UBASH3B: variants seen among roughly 807,000 people sequenced by gnomAD.
UBASH3B encodes ubiquitin associated and SH3 domain containing B, also known as ubiquitin-associated and SH3 domain-containing protein B.
A neutral mutation model predicts 83.4 loss-of-function variants in UBASH3B; 37 were observed. The observed-to-expected ratio is 0.44, with a 90% CI of 0.34 to 0.58. The LOEUF (loss-of-function observed/expected upper bound fraction) is 0.58. Among genes scored for constraint, UBASH3B ranks in the 20% least tolerant of loss-of-function variants. The probability of loss-of-function intolerance (pLI) is 0.01; values close to 1 mark genes in which losing one functional copy is unlikely to be tolerated. For synonymous variants in UBASH3B, 304 were observed against 318.3 expected, an observed-to-expected ratio of 0.96 and a Z score of 0.48; for missense variants, 657 against 827.2, an observed-to-expected ratio of 0.79 and a Z score of 2.52.
In UBASH3B at chr11:122,656,243, C is replaced by G. The variant is rs774692729; in HGVS notation, c.161+33C>G. ...GCCGGGCTCGCAGCCCTCGGCGACCCCTCCCGCGCGCGCGGCCGGCCCTCG... is the reference window on the plus strand; with the variant it reads ...GCCGGGCTCGCAGCCCTCGGCGACCGCTCCCGCGCGCGCGGCCGGCCCTCG... On this transcript the variant is annotated intron_variant, in intron 1 of 13. Transcript: ENST00000284273. 69 of 1,375,342 alleles carry G rather than the reference C, an allele frequency of 5.0e-5. No homozygotes were observed. The African/African-American group carries it at 9.4e-4, about 19-fold the overall frequency. The allele number at this position is 1,375,342 out of a possible 1,614,324, so 85.2% of individuals were successfully genotyped here.
At chr11:122,731,962 C>T (rs1350847671) in intron 1 of UBASH3B, among the ~76,000 whole-genome samples, 2 of 151,834 alleles carry the variant, frequency 1.3e-5, no homozygotes, top group East Asian at 3.9e-4. Context: ...AGGAGATGTG[C>T]ATACCCTGGA....
At chr11:122,661,859 CAAA>C (rs34663505) in intron 1 of UBASH3B, among the ~76,000 whole-genome samples, 6 of 105,506 alleles carry the variant, frequency 5.7e-5, no homozygotes, top group Non-Finnish European at 7.7e-5. Context: ...GTCCTGGTTC[CAAA>C]AAAAAAAAAA....
At chr11:122,747,795 T>G (rs1052400158) in intron 1 of UBASH3B, among the ~76,000 whole-genome samples, 1 of 152,216 alleles carries the variant, frequency 6.6e-6, no homozygotes, top group African/African-American at 2.4e-5. Flanking sequence ...AGCACAGGCA[T>G]GGAGAGGAAC....
At chr11:122,699,539 T>TTCTTTC (rs1555137156) in intron 1 of UBASH3B, among the ~76,000 whole-genome samples, 3 of 122,698 alleles carry the variant, frequency 2.4e-5, no homozygotes, top group African/African-American at 9.3e-5. Context: ...TTCTCTTTCT[T>TTCTTTC]TCTTTCTTTC....
intron 1 of UBASH3B, among the ~76,000 whole-genome samples, chr11:122,718,109 G>C (rs10750222): frequency 0.29 from 44,436 of 151,752 alleles, 7,328 homozygotes; most frequent in East Asian, 0.68. Context: ...TTTAGTAGTA[G>C]AGACGGGGTT....
rs150171285 is a variant in UBASH3B at position 122,723,531 on chromosome 11, C to T, written c.162-52688C>T. ...GGCCAAATTCATCTGTTCTTCCCTG[C>T]GAGCAGCAATAAGCAGATTTGGAGA... On this transcript the variant is annotated intron_variant, in intron 1 of 13. Coordinates refer to ENST00000284273, the MANE Select transcript of UBASH3B (RefSeq NM_032873.5). 4.6e-5 allele frequency among the ~76,000 whole-genome samples: 7 copies of T among 152,284 alleles called. No homozygotes were observed. In the South Asian group the frequency reaches 6.2e-4, roughly 14 times the overall value.
Position 122,776,927 on chromosome 11 carries a change from G to C in UBASH3B, c.216-97G>C, listed in dbSNP as rs1329526841. 3.3e-6 allele frequency: 4 copies of C among 1,204,024 alleles called. No individual in the cohort carries two copies. In the African/African-American group the frequency reaches 4.7e-5, roughly 14 times the overall value. The allele number at this position is 1,204,024 out of a possible 1,614,324, so 74.6% of individuals were successfully genotyped here. ...AAACCCTTCCCCGCGCTGTGCCGGG[G>C]ATTTGGAGCACATGGAGGGTGGATC... On this transcript the variant is annotated intron_variant, in intron 2 of 13. Coordinates refer to ENST00000284273, the MANE Select transcript of UBASH3B (RefSeq NM_032873.5).
chr11:122,770,900 G>A (rs1860630555), intron 1 of UBASH3B, among the ~76,000 whole-genome samples: 1 of 152,162 alleles, frequency 6.6e-6, no homozygotes, highest in South Asian at 2.1e-4. Flanking sequence ...AGGCCTTCTA[G>A]CCTCCCAGCA....
chr11:122,681,769 G>A (rs1445473160), intron 1 of UBASH3B, among the ~76,000 whole-genome samples: 8 of 152,050 alleles, frequency 5.3e-5, no homozygotes, highest in Admixed American at 5.2e-4. Context: ...GATCCCTTCA[G>A]GGTTTGAAAA....
At position 122,779,541 on chromosome 11, in the gene UBASH3B, C is replaced by T. The variant is rs1211610353; in HGVS notation, c.447C>T (p.Thr149=). ...KVDALGEALQ[T]TVSRWKCKFS... is the part of the protein sequence containing the mutation. The stretch of plus-strand genomic sequence containing the variant: ...ATGCCCTGGGGGAAGCCCTGCAGAC[C>T]ACGGTCAGTCGCTGGAAATGTAAGT... Residue 149 remains threonine, a synonymous_variant, in exon 4 of 14, where the codon ACC becomes ACT. Transcript: ENST00000284273. 3 of 1,613,986 alleles carry T rather than the reference C, an allele frequency of 1.9e-6. No homozygotes were observed. The highest frequency in any genetic ancestry group is 2.5e-6 in the Non-Finnish European group (3 of 1,180,018).
chr11:122,750,339 G>A (rs1452666209), intron 1 of UBASH3B, among the ~76,000 whole-genome samples: 2 of 152,120 alleles, frequency 1.3e-5, no homozygotes, highest in Admixed American at 6.5e-5. Flanking sequence ...AGAACACATC[G>A]GCTGGGTGGA....
At chr11:122,747,253 G>A (rs1444411966) in intron 1 of UBASH3B, among the ~76,000 whole-genome samples, 1 of 152,152 alleles carries the variant, frequency 6.6e-6, no homozygotes, top group Non-Finnish European at 1.5e-5. Context: ...GAAAGGGAGA[G>A]TGAAACCAGC....
At position 122,789,933 on chromosome 11, in the gene UBASH3B, C is replaced by G. The variant is rs558926385; in HGVS notation, c.980+625C>G. ...ACCCGTCCCTCATTACTATTTTGCC[C>G]CCATTCCATACTGGTACCACATTCA... On this transcript the variant is annotated intron_variant, in intron 6 of 13. Transcript: ENST00000284273. 2.6e-5 allele frequency among the ~76,000 whole-genome samples: 4 copies of G among 152,282 alleles called. No individual in the cohort carries two copies. In the South Asian group the frequency reaches 8.3e-4, roughly 32 times the overall value.
chr11:122,731,127 T>A (rs938212837), intron 1 of UBASH3B, among the ~76,000 whole-genome samples: 4 of 152,212 alleles, frequency 2.6e-5, no homozygotes, highest in Admixed American at 2.0e-4. Flanking sequence ...ATTGTGCCAA[T>A]CGGATTCTGT....
intron 1 of UBASH3B, among the ~76,000 whole-genome samples, chr11:122,660,161 G>A (rs2135888754): frequency 6.6e-6 from 1 of 152,280 alleles, no homozygotes. Context: ...ATTACTCCCT[G>A]GAGCTGGGCT....
intron 1 of UBASH3B, among the ~76,000 whole-genome samples, chr11:122,732,002 C>T (rs1036653416): frequency 4.9e-4 from 74 of 152,264 alleles, no homozygotes; most frequent in African/African-American, 1.7e-3. Flanking sequence ...CGACGACACA[C>T]ACACACACAC....
intron 1 of UBASH3B, among the ~76,000 whole-genome samples, chr11:122,687,144 C>T (rs113341762): frequency 0.011 from 1,745 of 152,262 alleles, 29 homozygotes; most frequent in African/African-American, 0.038. Flanking sequence ...GCTGGGATTA[C>T]GGGTGTGAGT....
chr11:122,696,811 G>A (rs1411178878), intron 1 of UBASH3B, among the ~76,000 whole-genome samples: 3 of 152,198 alleles, frequency 2.0e-5, no homozygotes, highest in Admixed American at 2.0e-4. Context: ...TCTAGGGCAG[G>A]CCGGAGTCTG....
At chr11:122,761,124 C>A (rs572114880) in intron 1 of UBASH3B, among the ~76,000 whole-genome samples, 2 of 152,050 alleles carry the variant, frequency 1.3e-5, no homozygotes, top group African/African-American at 4.8e-5. Flanking sequence ...TTGGCAGGGC[C>A]GAGGTGGCAG....
Sources: gnomAD v4.1 joint callset for allele counts (sites outside exome capture counted in the v4.1 genomes callset) on GRCh38, gnomAD v4.1.1 for gene constraint, MANE v1.5 for transcripts, NCBI Gene and HGNC (gene_info 2026-07-23, HGNC 2026-07-21) for gene names.